The following C11orf58 variants were observed in gnomAD, a reference collection of about 807,000 sequenced individuals.
The protein encoded by C11orf58 is small acidic protein.
C11orf58 carries 5 observed loss-of-function variants against 22.7 expected under a neutral mutation model. The observed-to-expected ratio is 0.22, with a 90% CI of 0.12 to 0.46. The LOEUF is 0.46. C11orf58 is among the 20% of genes least tolerant of loss of function. The pLI is 0.99. For synonymous variants in C11orf58, 71 were observed against 70.7 expected (o/e 1.00, Z -0.02); for missense variants, 151 against 223.3 (o/e 0.68, Z 2.06).
In C11orf58 at chr11:16,744,585, C is replaced by G. The variant is rs1199897338; in HGVS notation, c.64-16C>G. ...TTTTATGCAAAAAAAATTTAATCAACCAATTTTTTTTCTAGCTGGGATCTA... is the reference window on the plus strand; with the variant it reads ...TTTTATGCAAAAAAAATTTAATCAAGCAATTTTTTTTCTAGCTGGGATCTA... On this transcript the variant is annotated splice_polypyrimidine_tract_variant and intron_variant, in intron 1 of 4. Transcript: ENST00000228136. 2.5e-6 allele frequency: 4 copies of G among 1,609,458 alleles called. No homozygotes were observed. In the Admixed American group the frequency reaches 5.0e-5, roughly 20 times the overall value.
At position 16,748,108 on chromosome 11, in the gene C11orf58, T is replaced by C. The variant is rs201773899; in HGVS notation, c.159T>C (p.Thr53=). The change falls in exon 3 of 5, where the codon ACT becomes ACC. Residue 53 remains threonine, a synonymous_variant. Transcript: ENST00000228136. ...CAACCTTCTTATAGAAAGAACATAC[T>C]GGTCGTCTTGTTATAGGAGATCACA... is the stretch of plus-strand genomic sequence containing the variant. ...RLMGAGKKEH[T]GRLVIGDHKS... is the part of the protein sequence containing the mutation. 6.6e-5 allele frequency: 107 copies of C among 1,612,396 alleles called. 1 individual carries two copies. The East Asian group carries it at 2.4e-3, about 36-fold the overall frequency.
intron 1 of C11orf58, among the ~76,000 whole-genome samples, chr11:16,743,738 T>A (rs1848465886): frequency 6.6e-6 from 1 of 152,176 alleles, no homozygotes; most frequent in Non-Finnish European, 1.5e-5. Flanking sequence ...TCTTAAAAAC[T>A]ATTTAGTTAT....
intron 2 of C11orf58, among the ~76,000 whole-genome samples, chr11:16,745,166 A>G (rs769050037): frequency 6.6e-4 from 101 of 152,240 alleles, no homozygotes; most frequent in Non-Finnish European, 1.3e-3. Flanking sequence ...GTTTGTTACT[A>G]GATAGAGAAG....
rs547908515 is a variant in C11orf58 at position 16,742,008 on chromosome 11, G to A, written c.64-2593G>A. ...TCTCAGTGGAAAAATTGTCTTCCAC[G>A]AAACTGGTCCCTGATGCCAGTCTGG... On this transcript the variant is annotated intron_variant, in intron 1 of 4. Transcript: ENST00000228136. 1.2e-3 allele frequency among the ~76,000 whole-genome samples: 190 copies of A among 152,264 alleles called. 1 individual carries two copies. Among genetic ancestry groups the A allele is most frequent in the Non-Finnish European group, 1.6e-3 (110 of 68,014 alleles).
chr11:16,748,172 T>A lies in C11orf58; in HGVS notation c.208+15T>A. The A allele has an allele frequency of 6.2e-7, 1 of 1,600,956 alleles. No individual in the cohort carries two copies. On this transcript the variant is annotated intron_variant, in intron 3 of 4. Coordinates refer to ENST00000228136, the MANE Select transcript of C11orf58 (RefSeq NM_014267.6). ...CTTCCGAACCGGTAAGAAAGTAAAG[T>A]GTAATTAAAATGGAAGTGCTAAATT... is the stretch of plus-strand genomic sequence containing the variant.
In C11orf58 at chr11:16,757,587, A is replaced by C. The variant is rs1848591310; in HGVS notation, c.*2483A>C. 6.6e-6 allele frequency among the ~76,000 whole-genome samples: 1 copy of C among 152,192 alleles called. No individual in the cohort carries two copies. The highest frequency in any genetic ancestry group is 1.5e-5 in the Non-Finnish European group (1 of 68,034). ...AAATTGGAAAAAAATTAGACAACTG[A>C]TGTCATGCTGTCTTGGTATCCATAC... On this transcript the variant is annotated 3_prime_UTR_variant, in exon 5 of 5. Coordinates refer to ENST00000228136, the MANE Select transcript of C11orf58 (RefSeq NM_014267.6).
intron 2 of C11orf58, among the ~76,000 whole-genome samples, chr11:16,745,199 CA>C (rs1848478242): frequency 6.6e-6 from 1 of 151,824 alleles, no homozygotes; most frequent in African/African-American, 2.4e-5. Context: ...TGTAGAACAC[CA>C]GGGGGAAAGA....
rs1323934250 is a variant in C11orf58, at chr11:16,755,265, T to C, written c.*161T>C. On this transcript the variant is annotated 3_prime_UTR_variant, in exon 5 of 5. Transcript: ENST00000228136. The stretch of plus-strand genomic sequence containing the variant: ...CTTTCAAATGCCATGGGTTACACTT[T>C]TATGGGCATGACTATAACCATTTTT... 39 of 804,148 alleles carry C rather than the reference T, an allele frequency of 4.8e-5. 1 individual carries two copies. In the Middle Eastern group the frequency reaches 2.2e-3, roughly 45 times the overall value. The allele number at this position is 804,148 out of a possible 1,614,324, so 49.8% of individuals were successfully genotyped here. A position where few individuals can be genotyped will look rare whatever the true frequency, so the allele number is the denominator to read the frequency against.
chr11:16,747,921 C>A (rs1184281378), intron 2 of C11orf58, 176 bp from the exon 3 acceptor site: 1 of 562,184 alleles, frequency 1.8e-6, no homozygotes, highest in Non-Finnish European at 3.2e-6. Flanking sequence ...TTGCCTGTCT[C>A]CCTTCCCCAT....
chr11:16,738,647 A>G lies in C11orf58; in HGVS notation c.-132A>G. ...GGGCCGCAACGGTGACGACTGTGGC[A>G]GAGAAGGCCCGGAGGGGCTCTGCGT... On this transcript the variant is annotated 5_prime_UTR_variant, in exon 1 of 5. Transcript: ENST00000228136. 1 of 1,012,436 alleles carries G rather than the reference A, an allele frequency of 9.9e-7. No homozygotes were observed. The highest frequency in any genetic ancestry group is 1.5e-6 in the Non-Finnish European group (1 of 650,928). The allele number at this position is 1,012,436 out of a possible 1,614,324, so 62.7% of individuals were successfully genotyped here. A position where few individuals can be genotyped will look rare whatever the true frequency, so the allele number is the denominator to read the frequency against.
intron 4 of C11orf58, among the ~76,000 whole-genome samples, chr11:16,754,409 C>A (rs985346937): frequency 2.6e-5 from 4 of 151,444 alleles, no homozygotes; most frequent in Non-Finnish European, 4.4e-5. Context: ...TAGCTCGCTA[C>A]AGCCTTGAAC....
At chr11:16,752,034 G>A (rs1286342649) in intron 3 of C11orf58, 1 of 152,286 alleles carries the variant, frequency 6.6e-6, no homozygotes, top group African/African-American at 2.4e-5. Context: ...GTTTTCTGTA[G>A]TGACAGCAGC....
chr11:16,746,678 G>T (rs1365946676), intron 2 of C11orf58: 1 of 152,056 alleles, frequency 6.6e-6, no homozygotes, highest in Non-Finnish European at 1.5e-5. Context: ...AGGTTGTTCA[G>T]CATAGATTAA....
At chr11:16,738,893 G>C (rs993072794) in intron 1 of C11orf58, 52 bp downstream of exon 1, 1 of 1,606,314 alleles carries the variant, frequency 6.2e-7, no homozygotes, top group Admixed American at 1.7e-5. Flanking sequence ...AAAGCCTGGA[G>C]TAGGCCGGGA....
chr11:16,754,719 G>T (rs1471690382), intron 4 of C11orf58, 152 bp from the exon 5 acceptor site: 107 of 1,288,018 alleles, frequency 8.3e-5, no homozygotes, highest in Non-Finnish European at 1.0e-4. Flanking sequence ...GCCAGACAGA[G>T]CTCTTTCTTA....
At chr11:16,748,452 A>AG (rs1848505063) in intron 3 of C11orf58, 1 of 181,510 alleles carries the variant, frequency 5.5e-6, no homozygotes, top group South Asian at 1.3e-4. Context: ...AAAAAAGGAG[A>AG]GAAAAAAATG....
At chr11:16,744,310 G>C (rs1848472189) in intron 1 of C11orf58, 1 of 310,710 alleles carries the variant, frequency 3.2e-6, no homozygotes, top group Non-Finnish European at 6.0e-6. Flanking sequence ...GAATCTCTGG[G>C]GCTGTAGCCC....
chr11:16,751,788 G>A (rs1490175215), intron 3 of C11orf58: 2 of 152,200 alleles, frequency 1.3e-5, no homozygotes, highest in African/African-American at 4.8e-5. Context: ...GCCCCGAACT[G>A]GGAAGGAATG....
chr11:16,748,154 A>C lies in C11orf58; in HGVS notation c.205A>C (p.Thr69Pro). 6.2e-7 allele frequency: 1 copy of C among 1,610,512 alleles called. No homozygotes were observed. Among genetic ancestry groups the C allele is most frequent in the Non-Finnish European group, 8.5e-7 (1 of 1,176,900 alleles). ...GDHKSTSHFR[T>P]GEEDKKINEE... Reference sequence around the variant, plus strand: ...TCACAAATCAACATCTCACTTCCGAACCGGTAAGAAAGTAAAGTGTAATTA... The same window carrying C: ...TCACAAATCAACATCTCACTTCCGACCCGGTAAGAAAGTAAAGTGTAATTA... Residue 69 changes from threonine (T) to proline (P), a missense_variant, in exon 3 of 5, where the codon ACC becomes CCC. By Grantham distance (38) the Thr-to-Pro change is conservative. Around this residue, in one of 3 missense-constraint regions of C11orf58, gnomAD observed 112 missense variants for 162.6 expected, o/e 0.69. Transcript: ENST00000228136.
Sources: gnomAD v4.1 joint callset for allele counts (sites outside exome capture counted in the v4.1 genomes callset) on GRCh38, gnomAD v4.1.1 for gene constraint, gnomAD v4.1.1 regional missense constraint, MANE v1.5 for transcripts, NCBI Gene and HGNC (gene_info 2026-07-23, HGNC 2026-07-21) for gene names.